AFF3: variants seen among roughly 807,000 people sequenced by gnomAD.
The protein encoded by AFF3 is AF4/FMR2 family member 3.
AFF3 carries 32 observed loss-of-function variants against 129.7 expected under a neutral mutation model. The observed-to-expected ratio is 0.25, with a 90% CI of 0.19 to 0.33. AFF3 has a LOEUF of 0.33. Among genes scored for constraint, AFF3 ranks in the 10% least tolerant of loss-of-function variants. The pLI, the probability that AFF3 is intolerant of heterozygous loss-of-function variation, is 1.00. For synonymous variants in AFF3, 644 were observed against 635.4 expected (o/e 1.01, Z -0.20); for missense variants, 1,373 against 1,592.0 (o/e 0.86, Z 2.34).
intron 9 of AFF3, 93 bp downstream of exon 9, chr2:99,752,128 C>T: frequency 8.7e-7 from 1 of 1,153,614 alleles, no homozygotes; most frequent in Non-Finnish European, 1.3e-6. Flanking sequence ...GGAATATTTA[C>T]AGAAGAAAAG....
chr2:99,655,763 G>A (rs777163635), intron 12 of AFF3, among the ~76,000 whole-genome samples: 2 of 152,140 alleles, frequency 1.3e-5, no homozygotes, highest in African/African-American at 2.4e-5. Context: ...AGTACGGAGG[G>A]AGGCAATAAG....
At chr2:99,947,565 GAAAGAAAGA>G (rs1190559168) in intron 7 of AFF3, among the ~76,000 whole-genome samples, 58 of 100,756 alleles carry the variant, frequency 5.8e-4, no homozygotes, top group African/African-American at 2.9e-3. Flanking sequence ...GAGAGAAAGA[GAAAGAAAGA>G]AAAGAAAAGA....
chr2:99,729,719 AT>A (rs76675302), intron 10 of AFF3, among the ~76,000 whole-genome samples: 218 of 146,196 alleles, frequency 1.5e-3, no homozygotes, highest in Admixed American at 1.6e-3. Context: ...ATTAGTACAA[AT>A]TTTTTTTTTT....
rs184152171 is a variant in AFF3 at position 99,986,017 on chromosome 2, G to A, written c.873+20615C>T. 7.6e-3 allele frequency among the ~76,000 whole-genome samples: 1,156 copies of A among 151,954 alleles called. 20 individuals are homozygous for A. Among genetic ancestry groups the A allele is most frequent in the African/African-American group, 0.026 (1,089 of 41,458 alleles). Reference sequence around the variant, plus strand: ...AGACCGAGACCATCCTGGCTAACATGGTGAAACCCCGTCTCTGCTAAAAAT... The same window carrying A: ...AGACCGAGACCATCCTGGCTAACATAGTGAAACCCCGTCTCTGCTAAAAAT... On this transcript the variant is annotated intron_variant, in intron 7 of 24. Transcript: ENST00000672756.
At chr2:100,080,581 T>C (rs1278283814) in intron 4 of AFF3, among the ~76,000 whole-genome samples, 3 of 151,716 alleles carry the variant, frequency 2.0e-5, no homozygotes, top group Non-Finnish European at 4.4e-5. Flanking sequence ...GAAAGGACAG[T>C]CTATTAGCAA....
At chr2:99,966,816 A>G (rs927245148) in intron 7 of AFF3, among the ~76,000 whole-genome samples, 14 of 150,718 alleles carry the variant, frequency 9.3e-5, no homozygotes, top group African/African-American at 3.2e-4. Context: ...CATAATATTT[A>G]TGAGGAAAAT....
At chr2:99,945,575 T>G (rs1328729378) in intron 7 of AFF3, among the ~76,000 whole-genome samples, 1 of 152,160 alleles carries the variant, frequency 6.6e-6, no homozygotes, top group Non-Finnish European at 1.5e-5. Context: ...ACTTGCTCAA[T>G]TTTTACCTCC....
chr2:99,973,066 C>T (rs1678545193), intron 7 of AFF3, among the ~76,000 whole-genome samples: 1 of 152,106 alleles, frequency 6.6e-6, no homozygotes, highest in Non-Finnish European at 1.5e-5. Context: ...GAAATAAACC[C>T]GAAAACAACA....
chr2:100,042,375 G>T (rs953728931), intron 4 of AFF3, among the ~76,000 whole-genome samples: 1 of 151,844 alleles, frequency 6.6e-6, no homozygotes, highest in South Asian at 2.1e-4. Flanking sequence ...GAAATATATT[G>T]TTTTTTTTCT....
At chr2:100,056,587 T>A (rs756521266) in intron 4 of AFF3, among the ~76,000 whole-genome samples, 6 of 152,206 alleles carry the variant, frequency 3.9e-5, no homozygotes, top group Non-Finnish European at 5.9e-5. Flanking sequence ...ATTCTCATTA[T>A]CTCTTCTATC....
chr2:100,051,517 C>T (rs1435595515), intron 4 of AFF3, among the ~76,000 whole-genome samples: 3 of 152,298 alleles, frequency 2.0e-5, no homozygotes, highest in East Asian at 3.9e-4. Flanking sequence ...TTAGGAGAAA[C>T]AAGAGAAGCT....
At chr2:100,048,045 C>T (rs1049654546) in intron 4 of AFF3, among the ~76,000 whole-genome samples, 3 of 152,212 alleles carry the variant, frequency 2.0e-5, no homozygotes, top group African/African-American at 4.8e-5. Context: ...GGTGTTATAC[C>T]TGCAGATTAC....
chr2:99,784,226 C>G (rs1684618142), intron 8 of AFF3, among the ~76,000 whole-genome samples: 1 of 152,222 alleles, frequency 6.6e-6, no homozygotes, highest in South Asian at 2.1e-4. Context: ...ACTTTGTCCT[C>G]TTGGATAGTT....
At chr2:100,093,696 C>T (rs952302132) in intron 4 of AFF3, among the ~76,000 whole-genome samples, 56 of 152,060 alleles carry the variant, frequency 3.7e-4, no homozygotes, top group Non-Finnish European at 1.3e-4. Context: ...TGGTGTTACC[C>T]GCTGAGCTGT....
chr2:100,008,955 GAAC>G, intron 4 of AFF3, 23 bp from the exon 5 acceptor site: 5 of 1,612,416 alleles, frequency 3.1e-6, no homozygotes, highest in Non-Finnish European at 3.4e-6. Context: ...AAAGAAGAGA[GAAC>G]AACCACACAC....
At chr2:100,072,985 G>C (rs1688312583) in intron 4 of AFF3, among the ~76,000 whole-genome samples, 1 of 152,156 alleles carries the variant, frequency 6.6e-6, no homozygotes, top group Non-Finnish European at 1.5e-5. Context: ...TCACTGCAAT[G>C]TCTTTTTTCG....
intron 7 of AFF3, among the ~76,000 whole-genome samples, chr2:99,970,769 T>C (rs769092317): frequency 5.9e-5 from 9 of 152,200 alleles, no homozygotes; most frequent in Non-Finnish European, 1.3e-4. Flanking sequence ...CTTTCTTCTC[T>C]ATGTCTCCTT....
Position 99,565,621 on chromosome 2 carries a change from C to T in AFF3, c.2985G>A (p.Val995=), listed in dbSNP as rs777088082. ...AGTTCAAAGCCTTTCCAAACTTTTCCACCTGATCAACAGAGTTAATACAGT... is the reference window on the plus strand; with the variant it reads ...AGTTCAAAGCCTTTCCAAACTTTTCTACCTGATCAACAGAGTTAATACAGT... The part of the protein sequence containing the change: ...KRMKHKADAM[V]EKFGKALNYA... The change falls in exon 20 of 25, where the codon GTG becomes GTA. Residue 995 remains valine (V), a splice_region_variant and synonymous_variant. Coordinates refer to ENST00000672756, the MANE Select transcript of AFF3 (RefSeq NM_001386135.1). 1.2e-6 allele frequency: 2 copies of T among 1,613,758 alleles called. No individual in the cohort carries two copies. Among genetic ancestry groups the T allele is most frequent in the African/African-American group, 1.3e-5 (1 of 74,924 alleles).
chr2:99,683,456 CT>C (rs960899480), intron 11 of AFF3, among the ~76,000 whole-genome samples: 1 of 151,294 alleles, frequency 6.6e-6, no homozygotes, highest in East Asian at 1.9e-4. Flanking sequence ...CTTTTTCTTT[CT>C]TTTTTTTTGA....
Sources: gnomAD v4.1 joint callset for allele counts (sites outside exome capture counted in the v4.1 genomes callset) on GRCh38, gnomAD v4.1.1 for gene constraint, MANE v1.5 for transcripts, NCBI Gene and HGNC (gene_info 2026-07-23, HGNC 2026-07-21) for gene names.